METAP1: variants seen among roughly 807,000 people sequenced by gnomAD.
METAP1 encodes methionyl aminopeptidase 1, also known as methionine aminopeptidase 1.
METAP1 carries 28 observed loss-of-function variants against 53.8 expected under a neutral mutation model. That is an observed-to-expected ratio of 0.52 (90% CI 0.39 to 0.71). The LOEUF (loss-of-function observed/expected upper bound fraction) is 0.71, where lower values mean the gene tolerates loss of function less well. METAP1 is among the 30% of genes least tolerant of loss of function. METAP1 has a pLI of 0.00. For synonymous variants in METAP1, 181 were observed against 165.7 expected (o/e 1.09, Z -0.71); for missense variants, 389 against 479.8 (o/e 0.81, Z 1.77).
Position 99,019,478 on chromosome 4 carries a change from A to G in METAP1, c.115-9389A>G, listed in dbSNP as rs750997023. Among the ~76,000 whole-genome samples, 27 of 152,094 alleles carry G rather than the reference A, an allele frequency of 1.8e-4. 1 individual carries two copies. Among genetic ancestry groups the G allele is most frequent in the African/African-American group, 5.5e-4 (23 of 41,470 alleles). ...CCTATCTTGTCCCCCTTCTTGTTCT[A>G]TTCTGGAGATCCTTTGTTTTAGTTT... On this transcript the variant is annotated intron_variant, in intron 1 of 10. Transcript: ENST00000296411.
At chr4:99,035,602 A>G (rs1725370134) in intron 4 of METAP1, 142 bp downstream of exon 4, 1 of 604,968 alleles carries the variant, frequency 1.7e-6, no homozygotes, top group Admixed American at 3.0e-5. Flanking sequence ...AGAACATTGA[A>G]GAGAATTAAA....
intron 8 of METAP1, among the ~76,000 whole-genome samples, chr4:99,046,951 A>AAAAAAAAAAAAAAAAT (rs1726301938): frequency 6.7e-6 from 1 of 148,358 alleles, no homozygotes; most frequent in Non-Finnish European, 1.5e-5. Context: ...AAAAAAAAAA[A>AAAAAAAAAAAAAAAAT]AAAAAAAGAA....
At chr4:99,046,388 T>TC (rs1726234535) in intron 8 of METAP1, among the ~76,000 whole-genome samples, 1 of 151,958 alleles carries the variant, frequency 6.6e-6, no homozygotes, top group Non-Finnish European at 1.5e-5. Flanking sequence ...AGAGCGAGAC[T>TC]CCATTTCAAA....
intron 1 of METAP1, among the ~76,000 whole-genome samples, chr4:99,014,582 C>A (rs1416956964): frequency 2.0e-5 from 3 of 152,142 alleles, no homozygotes; most frequent in Non-Finnish European, 4.4e-5. Flanking sequence ...TCATCAGGAA[C>A]CCCCCTTGCA....
At chr4:99,059,018 A>G (rs1305333418) in intron 10 of METAP1, among the ~76,000 whole-genome samples, 1 of 152,260 alleles carries the variant, frequency 6.6e-6, no homozygotes, top group Non-Finnish European at 1.5e-5. Flanking sequence ...GATGGTAAGT[A>G]TTTAGCAGTG....
In METAP1 at chr4:99,042,545, TG is replaced by T. The variant is rs139027876; in HGVS notation, c.517-703del. Among the ~76,000 whole-genome samples, 493 of 152,190 alleles carry T rather than the reference TG, an allele frequency of 3.2e-3. 5 individuals carry two copies. Among genetic ancestry groups the T allele is most frequent in the African/African-American group, 0.011 (457 of 41,552 alleles). ...GGAGTTCTTTTGTTGTTCCACTGAA[TG>T]TGGTTATTAAAATATCTGGAAGTAC... On this transcript the variant is annotated intron_variant, in intron 6 of 10. Coordinates refer to ENST00000296411, the MANE Select transcript of METAP1 (RefSeq NM_015143.3).
intron 2 of METAP1, among the ~76,000 whole-genome samples, chr4:99,030,414 A>T (rs187963876): frequency 6.6e-6 from 1 of 152,318 alleles, no homozygotes; most frequent in Admixed American, 6.5e-5. Flanking sequence ...AGTGTTTAGT[A>T]TGGTGCCATC....
intron 1 of METAP1, chr4:99,022,713 C>T: frequency 6.6e-7 from 1 of 1,514,504 alleles, no homozygotes; most frequent in Non-Finnish European, 9.1e-7. Context: ...TTCCATAGGT[C>T]ATAATGGGAG....
At chr4:99,047,812 G>C (rs1471079872) in intron 8 of METAP1, among the ~76,000 whole-genome samples, 1 of 152,004 alleles carries the variant, frequency 6.6e-6, no homozygotes, top group African/African-American at 2.4e-5. Flanking sequence ...CACTTTTTTT[G>C]TTTTGTGTTT....
intron 9 of METAP1, among the ~76,000 whole-genome samples, chr4:99,056,839 G>A (rs769146860): frequency 2.0e-5 from 3 of 151,522 alleles, no homozygotes; most frequent in African/African-American, 4.9e-5. Flanking sequence ...AAAGTGCTGA[G>A]ATTACAGGTG....
intron 7 of METAP1, among the ~76,000 whole-genome samples, chr4:99,043,683 T>C (rs940515757): frequency 2.0e-5 from 3 of 152,126 alleles, no homozygotes; most frequent in African/African-American, 7.2e-5. Context: ...CTAGTTTTTT[T>C]CCCCCAGAAG....
At chr4:99,050,959 C>A (rs1452357871) in intron 9 of METAP1, among the ~76,000 whole-genome samples, 1 of 152,170 alleles carries the variant, frequency 6.6e-6, no homozygotes, top group Non-Finnish European at 1.5e-5. Context: ...CCACCTAATT[C>A]TTTTTATTTA....
At position 99,012,039 on chromosome 4, in the gene METAP1, C is replaced by G. The variant is rs191118982; in HGVS notation, c.114+16172C>G. 1.4e-3 allele frequency among the ~76,000 whole-genome samples: 217 copies of G among 152,258 alleles called. 2 individuals carry two copies. Among genetic ancestry groups the G allele is most frequent in the Admixed American group, 0.013 (193 of 15,294 alleles). On this transcript the variant is annotated intron_variant, in intron 1 of 10. Transcript: ENST00000296411. ...TTATCTCTTTTCTTCGGTAGTCTAG[C>G]TAAGGGTTGGCCACTTTCTTTTCAT... is the stretch of plus-strand genomic sequence containing the variant.
At chr4:99,004,975 T>C (rs1366649684) in intron 1 of METAP1, among the ~76,000 whole-genome samples, 1 of 152,200 alleles carries the variant, frequency 6.6e-6, no homozygotes, top group African/African-American at 2.4e-5. Flanking sequence ...AGTCCTCCTC[T>C]AGACATTCTT....
chr4:99,025,838 G>A (rs1724521899), intron 1 of METAP1, among the ~76,000 whole-genome samples: 1 of 152,160 alleles, frequency 6.6e-6, no homozygotes, highest in Non-Finnish European at 1.5e-5. Flanking sequence ...TTACCTGGAG[G>A]CTTCATCTGC....
intron 8 of METAP1, among the ~76,000 whole-genome samples, chr4:99,048,326 TAA>T (rs1726422615): frequency 6.6e-6 from 1 of 152,198 alleles, no homozygotes; most frequent in Non-Finnish European, 1.5e-5. Flanking sequence ...CATGGATGCA[TAA>T]AAGTGTTTCA....
chr4:99,012,849 G>T (rs550959426), intron 1 of METAP1, among the ~76,000 whole-genome samples: 30 of 152,138 alleles, frequency 2.0e-4, no homozygotes, highest in African/African-American at 5.5e-4. Flanking sequence ...TGTAAGGTGT[G>T]CACTAGTTTG....
chr4:98,998,813 A>ATT (rs532427603), intron 1 of METAP1, among the ~76,000 whole-genome samples: 15 of 144,076 alleles, frequency 1.0e-4, no homozygotes, highest in African/African-American at 3.5e-4. Flanking sequence ...AAAAATGAGG[A>ATT]TTTTTTTTTT....
chr4:99,028,777 T>A (rs1221343421), intron 1 of METAP1, 90 bp from the exon 2 acceptor site: 2 of 952,422 alleles, frequency 2.1e-6, no homozygotes, highest in Non-Finnish European at 1.5e-6. Flanking sequence ...TGCAAATAGT[T>A]TACAATAACT....
Sources: allele counts gnomAD v4.1 joint callset (sites outside exome capture counted in the v4.1 genomes callset), GRCh38; gene constraint gnomAD v4.1.1; transcripts MANE v1.5; gene names NCBI Gene and HGNC (gene_info 2026-07-23, HGNC 2026-07-21).